The following CTNNA2 variants were observed in gnomAD, a reference collection of about 807,000 sequenced individuals.
CTNNA2 encodes catenin alpha-2.
CTNNA2 carries 42 observed loss-of-function variants against 101.0 expected under a neutral mutation model. That is an observed-to-expected ratio of 0.42 (90% confidence interval 0.32 to 0.54). The LOEUF (loss-of-function observed/expected upper bound fraction) is 0.54. Ranked by LOEUF, CTNNA2 falls within the 20% of genes least tolerant of loss-of-function variation. The pLI, the probability that CTNNA2 is intolerant of heterozygous loss-of-function variation, is 0.14. For synonymous variants in CTNNA2, 450 were observed against 456.4 expected, an observed-to-expected ratio of 0.99 and a Z score of 0.18; for missense variants, 871 against 1,223.1, an observed-to-expected ratio of 0.71 and a Z score of 4.29.
At chr2:80,256,800 G>A (rs1410190115) in intron 7 of CTNNA2, among the ~76,000 whole-genome samples, 1 of 152,166 alleles carries the variant, frequency 6.6e-6, no homozygotes, top group East Asian at 1.9e-4. Context: ...TAGCAAAGTT[G>A]TAGGTGAATG....
At chr2:79,519,085 C>T (rs1671960674) in intron 1 of CTNNA2, among the ~76,000 whole-genome samples, 1 of 151,806 alleles carries the variant, frequency 6.6e-6, no homozygotes, top group Non-Finnish European at 1.5e-5. Context: ...AAAAATTAGC[C>T]AGGCATGGTG....
At chr2:80,533,146 A>C (rs1461079089) in intron 9 of CTNNA2, among the ~76,000 whole-genome samples, 1 of 152,210 alleles carries the variant, frequency 6.6e-6, no homozygotes, top group Non-Finnish European at 1.5e-5. Context: ...CTCCATCCAT[A>C]TAATAAATAA....
chr2:80,612,175 G>A (rs1297849546), intron 17 of CTNNA2, among the ~76,000 whole-genome samples: 6 of 151,612 alleles, frequency 4.0e-5, no homozygotes, highest in African/African-American at 1.2e-4. Context: ...GGTTTGACAA[G>A]GTGAGCAAGT....
intron 1 of CTNNA2, among the ~76,000 whole-genome samples, chr2:79,536,045 CA>C (rs1673035344): frequency 2.0e-5 from 3 of 152,224 alleles, no homozygotes; most frequent in South Asian, 4.2e-4. Context: ...GCAACGTAGA[CA>C]GATAATTTTC....
At chr2:80,136,420 T>C (rs978664337) in intron 7 of CTNNA2, among the ~76,000 whole-genome samples, 3 of 152,230 alleles carry the variant, frequency 2.0e-5, no homozygotes, top group Non-Finnish European at 4.4e-5. Flanking sequence ...ATGCTAAGTT[T>C]GTTGGCTTTC....
intron 7 of CTNNA2, among the ~76,000 whole-genome samples, chr2:80,341,754 C>A: frequency 6.6e-6 from 1 of 152,122 alleles, no homozygotes; most frequent in East Asian, 1.9e-4. Context: ...CCAGTAATTC[C>A]ATTTCTGGGC....
At chr2:79,707,738 C>T (rs7602740) in intron 2 of CTNNA2, among the ~76,000 whole-genome samples, 23,938 of 152,200 alleles carry the variant, frequency 0.16, 2,152 homozygotes, top group East Asian at 0.4. Flanking sequence ...GCACTGTCTT[C>T]CTCCCCACCA....
intron 1 of CTNNA2, among the ~76,000 whole-genome samples, chr2:79,189,079 T>C (rs966530276): frequency 6.6e-6 from 1 of 152,174 alleles, no homozygotes; most frequent in African/African-American, 2.4e-5. Flanking sequence ...CTAGGTGTTC[T>C]GAGAAACTCA....
At chr2:80,064,538 C>T (rs530952139) in intron 7 of CTNNA2, among the ~76,000 whole-genome samples, 1 of 152,320 alleles carries the variant, frequency 6.6e-6, no homozygotes, top group South Asian at 2.1e-4. Flanking sequence ...CCTGAGCTTG[C>T]TCTTGAAGCT....
At chr2:79,298,724 A>T (rs761321097) in intron 2 of CTNNA2, among the ~76,000 whole-genome samples, 4 of 152,198 alleles carry the variant, frequency 2.6e-5, no homozygotes, top group Non-Finnish European at 5.9e-5. Context: ...CCAAGTCAAA[A>T]ATCTCTCCAG....
At position 80,302,225 on chromosome 2, in the gene CTNNA2, G is replaced by T; in HGVS notation, c.1057-90986G>T. ...CGGCTGCCCAGGCGTATTTGGTAGC[G>T]CATGGGTTGAGAGCCACTGGGACAA... On this transcript the variant is annotated intron_variant, in intron 7 of 18. Coordinates refer to ENST00000402739, the MANE Select transcript of CTNNA2 (RefSeq NM_001282597.3). The surrounding 1 kb of genome is among the most constrained non-coding windows in gnomAD (Gnocchi z 6.4). 2 of 1,599,678 alleles carry T rather than the reference G, an allele frequency of 1.3e-6. No individual in the cohort carries two copies. Among genetic ancestry groups the T allele is most frequent in the Non-Finnish European group, 1.7e-6 (2 of 1,172,680 alleles).
At chr2:80,004,883 A>G (rs1017009238) in intron 7 of CTNNA2, among the ~76,000 whole-genome samples, 1 of 151,992 alleles carries the variant, frequency 6.6e-6, no homozygotes, top group Non-Finnish European at 1.5e-5. Flanking sequence ...TTGTATTTTT[A>G]GTAGAGATGG....
At chr2:80,567,181 G>A (rs562133325) in intron 12 of CTNNA2, among the ~76,000 whole-genome samples, 8 of 152,252 alleles carry the variant, frequency 5.3e-5, no homozygotes, top group South Asian at 2.1e-4. Flanking sequence ...AAAGTCCCCC[G>A]TGTAGGGGTG....
At chr2:79,918,081 C>T (rs959228637) in intron 7 of CTNNA2, among the ~76,000 whole-genome samples, 1 of 147,596 alleles carries the variant, frequency 6.8e-6, no homozygotes, top group African/African-American at 2.6e-5. Context: ...TCCCTGTTGC[C>T]TTCATTGCGG....
rs138602385 is a variant in CTNNA2 at position 80,123,187 on chromosome 2, G to A, written c.1056+213390G>A. ...TCATTAAGCCCTTTAGAAGCCAGTC[G>A]TTGGGCTTTGCCTCATTCAGCTCCC... On this transcript the variant is annotated intron_variant, in intron 7 of 18. Transcript: ENST00000402739. Among the ~76,000 whole-genome samples, 56 of 152,264 alleles carry A rather than the reference G, an allele frequency of 3.7e-4. 1 individual carries two copies. Among genetic ancestry groups the A allele is most frequent in the African/African-American group, 1.1e-3 (45 of 41,546 alleles).
chr2:79,430,855 C>G (rs1183936415), intron 4 of CTNNA2, among the ~76,000 whole-genome samples: 1 of 147,262 alleles, frequency 6.8e-6, no homozygotes, highest in Non-Finnish European at 1.5e-5. Context: ...AAAGAAATTA[C>G]TATGTAAAGA....
chr2:79,965,643 G>C (rs1348622623), intron 7 of CTNNA2, among the ~76,000 whole-genome samples: 1 of 151,924 alleles, frequency 6.6e-6, no homozygotes, highest in Non-Finnish European at 1.5e-5. Context: ...GGTCAACATA[G>C]AGAAACGCTG....
chr2:80,052,272 A>C (rs1362476599), intron 7 of CTNNA2, among the ~76,000 whole-genome samples: 4 of 152,230 alleles, frequency 2.6e-5, no homozygotes, highest in African/African-American at 7.2e-5. Context: ...ACATACATTT[A>C]GCCATGTGTC....
At chr2:80,371,976 A>T (rs1675483375) in intron 7 of CTNNA2, among the ~76,000 whole-genome samples, 1 of 152,218 alleles carries the variant, frequency 6.6e-6, no homozygotes, top group South Asian at 2.1e-4. Context: ...TTTCAGCTCC[A>T]GACTTAATTG....
Sources: gnomAD v4.1 joint callset for allele counts (sites outside exome capture counted in the v4.1 genomes callset) on GRCh38, gnomAD v4.1.1 for gene constraint, Gnocchi (gnomAD v3.1) non-coding constraint, MANE v1.5 for transcripts, NCBI Gene and HGNC (gene_info 2026-07-23, HGNC 2026-07-21) for gene names.